NALF1: variants seen among roughly 807,000 people sequenced by gnomAD.
NALF1 encodes the protein family with sequence similarity 155 member A.
NALF1 carries 3 observed loss-of-function variants against 48.4 expected under a neutral mutation model. That is an observed-to-expected ratio of 0.06 (90% confidence interval 0.03 to 0.16). The LOEUF is 0.16. Ranked by LOEUF, NALF1 falls within the 10% of genes least tolerant of loss-of-function variation. The pLI, the probability that NALF1 is intolerant of heterozygous loss-of-function variation, is 1.00. For synonymous variants in NALF1, 262 were observed against 245.7 expected (o/e 1.07, Z -0.62); for missense variants, 526 against 571.5 (o/e 0.92, Z 0.81).
chr13:107,716,667 C>A (rs1239540592), intron 1 of NALF1, among the ~76,000 whole-genome samples: 1 of 152,128 alleles, frequency 6.6e-6, no homozygotes, highest in African/African-American at 2.4e-5. Context: ...GGAGATGTGA[C>A]TATATTTAAA....
chr13:107,186,482 C>G (rs899299519), intron 2 of NALF1, among the ~76,000 whole-genome samples: 1 of 152,170 alleles, frequency 6.6e-6, no homozygotes, highest in African/African-American at 2.4e-5. Context: ...ATTCTCTTGC[C>G]TCAGCCTCCT....
At chr13:107,699,175 A>G (rs964662700) in intron 1 of NALF1, among the ~76,000 whole-genome samples, 8 of 152,146 alleles carry the variant, frequency 5.3e-5, no homozygotes, top group African/African-American at 1.9e-4. Context: ...AAGTAATGTT[A>G]ATGTGAACTT....
At chr13:107,391,091 T>A (rs557973944) in intron 1 of NALF1, among the ~76,000 whole-genome samples, 1 of 152,172 alleles carries the variant, frequency 6.6e-6, no homozygotes, top group Non-Finnish European at 1.5e-5. Flanking sequence ...TATTTGGGGA[T>A]GTCATTGGAA....
chr13:107,782,864 C>A lies in NALF1; in HGVS notation c.915+82818G>T, dbSNP rs544212486. Among the ~76,000 whole-genome samples the A allele has an allele frequency of 1.1e-3, 170 of 151,948 alleles. 1 individual carries two copies. Among genetic ancestry groups the A allele is most frequent in the African/African-American group, 4.0e-3 (164 of 41,492 alleles). On this transcript the variant is annotated intron_variant, in intron 1 of 2. Coordinates refer to ENST00000375915, the MANE Select transcript of NALF1 (RefSeq NM_001080396.3). The stretch of plus-strand genomic sequence containing the variant: ...AGGAGACCCTCCGCCCGGCAGCCGC[C>A]CCGTCTGGGAAGTGAGGAGCGTCTC...
intron 2 of NALF1, among the ~76,000 whole-genome samples, chr13:107,175,727 A>G (rs1454414492): frequency 6.6e-6 from 1 of 152,174 alleles, no homozygotes; most frequent in Non-Finnish European, 1.5e-5. Flanking sequence ...AAGCAGATCA[A>G]TGACACCCTT....
At chr13:107,233,153 T>A (rs931940742) in intron 1 of NALF1, among the ~76,000 whole-genome samples, 1 of 152,200 alleles carries the variant, frequency 6.6e-6, no homozygotes, top group East Asian at 1.9e-4. Context: ...TGAAAAGGGA[T>A]CTGCTTTAAT....
chr13:107,453,056 C>G (rs909052208), intron 1 of NALF1, among the ~76,000 whole-genome samples: 6 of 152,206 alleles, frequency 3.9e-5, no homozygotes, highest in Non-Finnish European at 5.9e-5. Context: ...TTGCATGGTA[C>G]AACCCCACTC....
intron 1 of NALF1, among the ~76,000 whole-genome samples, chr13:107,517,703 C>T (rs915117397): frequency 4.0e-5 from 6 of 151,760 alleles, no homozygotes; most frequent in Non-Finnish European, 7.4e-5. Flanking sequence ...TGTTGTAATC[C>T]CAGCACTTTG....
chr13:107,498,120 G>T (rs909624911), intron 1 of NALF1, among the ~76,000 whole-genome samples: 3 of 152,102 alleles, frequency 2.0e-5, no homozygotes, highest in African/African-American at 4.8e-5. Context: ...ATCACAGAAA[G>T]CAAATCATGT....
At chr13:107,171,446 T>A (rs1159556324) in intron 2 of NALF1, among the ~76,000 whole-genome samples, 1 of 152,020 alleles carries the variant, frequency 6.6e-6, no homozygotes, top group Non-Finnish European at 1.5e-5. Context: ...ACAGAAGGAG[T>A]CTCTCTGCTG....
At chr13:107,179,851 T>G (rs1374042707) in intron 2 of NALF1, among the ~76,000 whole-genome samples, 1 of 146,742 alleles carries the variant, frequency 6.8e-6, no homozygotes, top group Non-Finnish European at 1.5e-5. Context: ...CAGGCATCAT[T>G]CCAGCTGCTG....
chr13:107,388,561 G>C (rs1304045917), intron 1 of NALF1, among the ~76,000 whole-genome samples: 1 of 152,122 alleles, frequency 6.6e-6, no homozygotes, highest in Non-Finnish European at 1.5e-5. Context: ...TGCCACACAA[G>C]ACACATCAGG....
chr13:107,727,788 A>G (rs1292712558), intron 1 of NALF1, among the ~76,000 whole-genome samples: 1 of 152,178 alleles, frequency 6.6e-6, no homozygotes, highest in Non-Finnish European at 1.5e-5. Flanking sequence ...CATCTGACAA[A>G]GGGCTAATAT....
chr13:107,844,140 G>A (rs959118470), intron 1 of NALF1, among the ~76,000 whole-genome samples: 2 of 152,050 alleles, frequency 1.3e-5, no homozygotes, highest in Admixed American at 6.6e-5. Context: ...GTTGATTAGG[G>A]TAATTAGAAT....
chr13:107,327,180 G>A (rs1013798993), intron 1 of NALF1, among the ~76,000 whole-genome samples: 1 of 152,130 alleles, frequency 6.6e-6, no homozygotes, highest in African/African-American at 2.4e-5. Flanking sequence ...ATCAGGCAAG[G>A]AGAATTATAG....
chr13:107,265,828 TC>T (rs1466065262), intron 1 of NALF1, among the ~76,000 whole-genome samples: 15 of 152,206 alleles, frequency 9.9e-5, no homozygotes, highest in Non-Finnish European at 1.9e-4. Context: ...GTCATTTTTT[TC>T]CATAAGTAAA....
chr13:107,513,138 C>A (rs1875950843), intron 1 of NALF1, among the ~76,000 whole-genome samples: 1 of 152,074 alleles, frequency 6.6e-6, no homozygotes, highest in Non-Finnish European at 1.5e-5. Flanking sequence ...GAAAATAAGA[C>A]AACATTTTTT....
intron 1 of NALF1, among the ~76,000 whole-genome samples, chr13:107,721,103 T>C (rs886573850): frequency 5.1e-5 from 6 of 118,190 alleles, no homozygotes; most frequent in African/African-American, 1.9e-4. Context: ...TGTCATCAGA[T>C]CTCAATACAC....
intron 1 of NALF1, among the ~76,000 whole-genome samples, chr13:107,227,360 C>T (rs146764182): frequency 2.2e-4 from 33 of 152,292 alleles, no homozygotes; most frequent in Non-Finnish European, 3.1e-4. Flanking sequence ...ACTTTGATTA[C>T]TCCAAGCTGC....
Sources: allele counts gnomAD v4.1 joint callset (sites outside exome capture counted in the v4.1 genomes callset), GRCh38; gene constraint gnomAD v4.1.1; transcripts MANE v1.5; gene names NCBI Gene and HGNC (gene_info 2026-07-23, HGNC 2026-07-21).